MYOZ3: variants seen among roughly 807,000 people sequenced by gnomAD.
MYOZ3 encodes myozenin 3.
In MYOZ3, 19 loss-of-function variants were observed where a neutral mutation model predicts 26.5. That is an observed-to-expected ratio of 0.72 (90% CI 0.50 to 1.05). The LOEUF is 1.05. Ranked by LOEUF, MYOZ3 falls within the 50% of genes least tolerant of loss-of-function variation. MYOZ3 has a pLI of 0.00. For missense variants in MYOZ3, 322 were observed against 337.1 expected, an observed-to-expected ratio of 0.96 and a Z score of 0.35; for synonymous variants, 135 against 138.8, an observed-to-expected ratio of 0.97 and a Z score of 0.19.
At chr5:150,668,826 C>G (rs1354022009) in intron 2 of MYOZ3, among the ~76,000 whole-genome samples, 2 of 152,166 alleles carry the variant, frequency 1.3e-5, no homozygotes, top group Admixed American at 1.3e-4. Context: ...TGAAAATCCT[C>G]TAAATAGCTG....
At chr5:150,669,613 T>C (rs576856666) in intron 2 of MYOZ3, among the ~76,000 whole-genome samples, 175 of 149,916 alleles carry the variant, frequency 1.2e-3, no homozygotes, top group Middle Eastern at 3.5e-3. Context: ...TTGTCCAACT[T>C]TCCTCAGGGC....
intron 2 of MYOZ3, among the ~76,000 whole-genome samples, chr5:150,663,484 C>G (rs13361514): frequency 0.079 from 12,081 of 152,034 alleles, 526 homozygotes; most frequent in Middle Eastern, 0.17. Flanking sequence ...ACAGGGGAGT[C>G]GAGAGAGTGG....
chr5:150,661,029 A>G (rs1236372001), upstream of MYOZ3: 1 of 152,464 alleles, frequency 6.6e-6, no homozygotes, highest in East Asian at 1.9e-4. Flanking sequence ...CACTAAGGAT[A>G]TAACAGTTAA....
chr5:150,675,604 C>A (rs771835238), intron 6 of MYOZ3, among the ~76,000 whole-genome samples: 18 of 152,310 alleles, frequency 1.2e-4, no homozygotes, highest in East Asian at 1.9e-4. Flanking sequence ...AACTCCTGAC[C>A]TCAGGTGATC....
intron 2 of MYOZ3, among the ~76,000 whole-genome samples, chr5:150,666,627 A>AT (rs1561668849): frequency 1.1e-4 from 16 of 141,436 alleles, no homozygotes; most frequent in East Asian, 4.0e-4. Flanking sequence ...AAAAAAAAAA[A>AT]AAAATATATA....
Position 150,671,884 on chromosome 5 carries a change from C to G in MYOZ3, c.400C>G (p.Pro134Ala). 8 of 1,569,538 alleles carry G rather than the reference C, an allele frequency of 5.1e-6. No individual in the cohort carries two copies. The highest frequency in any genetic ancestry group is 2.3e-5 in the South Asian group (2 of 87,056). ...HPAAAPAGCV[P>A]SPSALAPGYA... ...TGCAGCCGCCCCTGCTGGGTGCGTC[C>G]CCAGCCCCAGCGCCCTGGCGCCAGG... is the stretch of plus-strand genomic sequence containing the variant. The change falls in exon 5 of 7, where the codon CCC (proline) becomes GCC (alanine). Residue 134 changes from proline (P) to alanine (A), a missense_variant. Pro to Ala is a conservative substitution (Grantham distance 27). Transcript: ENST00000517768.
At chr5:150,666,715 T>A (rs1758816636) in intron 2 of MYOZ3, among the ~76,000 whole-genome samples, 1 of 149,962 alleles carries the variant, frequency 6.7e-6, no homozygotes, top group Non-Finnish European at 1.5e-5. Context: ...GAATACCTAT[T>A]CTTCTGAATC....
intron 2 of MYOZ3, among the ~76,000 whole-genome samples, chr5:150,665,564 A>ATT (rs1758795204): frequency 6.6e-6 from 1 of 152,112 alleles, no homozygotes; most frequent in Non-Finnish European, 1.5e-5. Context: ...AATTCCTAGA[A>ATT]ATAGAAATAC....
In MYOZ3 at chr5:150,677,248, A is replaced by T. The variant is rs1759026332; in HGVS notation, c.*373A>T. 1.2e-5 allele frequency: 2 copies of T among 163,906 alleles called. No individual in the cohort carries two copies. Among genetic ancestry groups the T allele is most frequent in the Non-Finnish European group, 2.7e-5 (2 of 75,406 alleles). The allele number at this position is 163,906 out of a possible 1,614,324, so 10.2% of individuals were successfully genotyped here. The stretch of plus-strand genomic sequence containing the variant: ...GGAGTTTGAGACCAGTCTGGCCAAA[A>T]TAGTGGAACCCCGTCGCTACTAAAA... On this transcript the variant is annotated 3_prime_UTR_variant, in exon 7 of 7. Transcript: ENST00000517768.
chr5:150,666,722 A>T (rs1174117595), intron 2 of MYOZ3, among the ~76,000 whole-genome samples: 1 of 149,568 alleles, frequency 6.7e-6, no homozygotes, highest in Non-Finnish European at 1.5e-5. Context: ...TATTCTTCTG[A>T]ATCTTACTTT....
intron 2 of MYOZ3, among the ~76,000 whole-genome samples, chr5:150,663,462 T>C (rs1177228547): frequency 6.7e-6 from 1 of 150,302 alleles, no homozygotes; most frequent in African/African-American, 2.5e-5. Flanking sequence ...GAGAGTGGAG[T>C]AGGGTGGGAA....
At chr5:150,672,588 C>A in intron 6 of MYOZ3, 86 bp downstream of exon 6, 1 of 1,444,070 alleles carries the variant, frequency 6.9e-7, no homozygotes, top group Non-Finnish European at 9.3e-7. Context: ...GTTTCCTGAG[C>A]ACTTTCTGCA....
At chr5:150,675,979 C>T (rs1315142294) in intron 6 of MYOZ3, among the ~76,000 whole-genome samples, 4 of 152,174 alleles carry the variant, frequency 2.6e-5, no homozygotes, top group Non-Finnish European at 5.9e-5. Context: ...GCCCAGTTAC[C>T]ACATTATTTC....
chr5:150,662,790 G>A, intron 1 of MYOZ3, 151 bp from the exon 2 acceptor site: 1 of 674,506 alleles, frequency 1.5e-6, no homozygotes, highest in South Asian at 1.8e-5. Flanking sequence ...CGGAGACCCT[G>A]AAGTCCCTTC....
chr5:150,663,983 A>G (rs2151442939), intron 2 of MYOZ3, among the ~76,000 whole-genome samples: 1 of 148,914 alleles, frequency 6.7e-6, no homozygotes. Context: ...ACAGAGGGAG[A>G]CTCTGTCTCT....
chr5:150,672,032 G>A, intron 5 of MYOZ3, 124 bp downstream of exon 5: 2 of 1,345,890 alleles, frequency 1.5e-6, no homozygotes, highest in Non-Finnish European at 2.0e-6. Flanking sequence ...ACACGCGCAC[G>A]CGCGCACTCC....
intron 6 of MYOZ3, among the ~76,000 whole-genome samples, chr5:150,676,452 G>A (rs997849832): frequency 6.6e-6 from 1 of 150,564 alleles, no homozygotes; most frequent in East Asian, 2.0e-4. Flanking sequence ...GCTGAGGCAG[G>A]AGAATTGATT....
At chr5:150,660,902 A>G (rs954849393), upstream of MYOZ3, 1 of 152,204 alleles carries the variant, frequency 6.6e-6, no homozygotes, top group African/African-American at 2.4e-5. Context: ...GAAAGGAAGG[A>G]AGAAAAGGAT....
rs1381542983 is a variant in MYOZ3, at chr5:150,661,290, GA to G, written c.-138del. 6.6e-6 allele frequency: 1 copy of G among 152,584 alleles called. No homozygotes were observed. The highest frequency in any genetic ancestry group is 1.9e-4 in the East Asian group (1 of 5,324). The allele number at this position is 152,584 out of a possible 1,614,324, so 9.5% of individuals were successfully genotyped here. A position where few individuals can be genotyped will look rare whatever the true frequency, so the allele number is the denominator to read the frequency against. ...GCTGAAGCCAGAGCTGGCTGCAGGG[GA>G]CACCCTGCTCGCTGCCTACTGACTG... On this transcript the variant is annotated 5_prime_UTR_variant, in exon 1 of 7. Coordinates refer to ENST00000517768, the MANE Select transcript of MYOZ3 (RefSeq NM_001122853.3).
Sources: allele counts gnomAD v4.1 joint callset (sites outside exome capture counted in the v4.1 genomes callset), GRCh38; gene constraint gnomAD v4.1.1; transcripts MANE v1.5; gene names NCBI Gene and HGNC (gene_info 2026-07-23, HGNC 2026-07-21).